The following ZNF816 variants were observed in gnomAD, a reference collection of about 807,000 sequenced individuals.
ZNF816 encodes zinc finger protein 816, also known as zinc finger protein 816A.
ZNF816 carries 11 observed loss-of-function variants against 8.3 expected under a neutral mutation model. The observed-to-expected ratio is 1.32, with a 90% CI of 0.83 to 2.19. The LOEUF (loss-of-function observed/expected upper bound fraction) is 2.19, where lower values mean the gene tolerates loss of function less well. Among genes scored for constraint, ZNF816 ranks in the 30% most tolerant of loss-of-function variants. ZNF816 has a pLI of 0.00. For synonymous variants in ZNF816, 255 were observed against 254.5 expected (o/e 1.00, Z -0.02); for missense variants, 710 against 779.3 (o/e 0.91, Z 1.06).
chr19:52,958,455 G>A (rs1337460684), intron 1 of ZNF816, among the ~76,000 whole-genome samples: 1 of 152,072 alleles, frequency 6.6e-6, no homozygotes, highest in Non-Finnish European at 1.5e-5. Flanking sequence ...CTTCTGCAAG[G>A]GTTCAAGAAC....
At chr19:52,953,229 T>G in intron 2 of ZNF816, 1 of 189,476 alleles carries the variant, frequency 5.3e-6, no homozygotes, top group Non-Finnish European at 9.7e-6. Context: ...CCGTCTCTAC[T>G]AAAAATACAA....
rs2083569125 is a variant in ZNF816, at chr19:52,962,801, C to G, written c.-90G>C. ...CAGGTCTGTGGGGACCCCACGTCCC[C>G]TATATAGCAGCACCAGACAACTAGG... On this transcript the variant is annotated 5_prime_UTR_variant, in exon 1 of 4. Coordinates refer to ENST00000444460, the MANE Select transcript of ZNF816 (RefSeq NM_001202457.3). The G allele has an allele frequency of 6.6e-6, 1 of 152,636 alleles. No homozygotes were observed. Among genetic ancestry groups the G allele is most frequent in the Admixed American group, 6.5e-5 (1 of 15,294 alleles). The allele number at this position is 152,636 out of a possible 1,614,324, so 9.5% of individuals were successfully genotyped here. A position where few individuals can be genotyped will look rare whatever the true frequency, so the allele number is the denominator to read the frequency against.
chr19:52,952,327 G>T (rs2083466748), intron 3 of ZNF816, among the ~76,000 whole-genome samples: 1 of 151,824 alleles, frequency 6.6e-6, no homozygotes, highest in Non-Finnish European at 1.5e-5. Context: ...ATGAGATCAA[G>T]ACTCTGCACT....
chr19:52,951,173 G>T lies in ZNF816; in HGVS notation c.602C>A (p.Thr201Asn). ...CTTCCCATACTTATTAGAAATATGA[G>T]TTTTGAGCCTACAAGAAATTCTTTG... ...ESQRISCRLK[T>N]HISNKYGKNF... Residue 201 changes from threonine (T) to asparagine (N), a missense_variant, in exon 4 of 4, where the codon ACT (threonine) becomes AAT (asparagine). By Grantham distance (65) the Thr-to-Asn change is moderately conservative. Coordinates refer to ENST00000444460, the MANE Select transcript of ZNF816 (RefSeq NM_001202457.3). 6.2e-7 allele frequency: 1 copy of T among 1,613,778 alleles called. No homozygotes were observed. Among genetic ancestry groups the T allele is most frequent in the Non-Finnish European group, 8.5e-7 (1 of 1,180,012 alleles).
At chr19:52,953,237 CA>C (rs66502718) in intron 2 of ZNF816, 664 of 224,042 alleles carry the variant, frequency 3.0e-3, no homozygotes, top group South Asian at 5.6e-3. Context: ...ACTAAAAATA[CA>C]AAAAAAAAAC....
chr19:52,951,764 G>A, intron 3 of ZNF816, 180 bp from the exon 4 acceptor site: 1 of 609,848 alleles, frequency 1.6e-6, no homozygotes, highest in Non-Finnish European at 2.6e-6. Flanking sequence ...CAGTCATGGT[G>A]GTGGGTGCCT....
At chr19:52,959,486 G>A (rs1453001368) in intron 1 of ZNF816, among the ~76,000 whole-genome samples, 2 of 152,180 alleles carry the variant, frequency 1.3e-5, no homozygotes, top group Non-Finnish European at 2.9e-5. Context: ...CAGCCCACAA[G>A]GAGAGAGATG....
At chr19:52,953,380 A>T in intron 2 of ZNF816, 1 of 209,320 alleles carries the variant, frequency 4.8e-6, no homozygotes. Context: ...GCTGCAGAGT[A>T]GGACTCCATC....
chr19:52,956,057 T>C lies in ZNF816; in HGVS notation c.33A>G (p.Lys11=). The part of the protein sequence containing the change: MLREEATKKS[K]EKEPGMALPQ... Reference sequence around the variant, plus strand: ...GAAGAGCCATCCCTGGCTCCTTTTCTTTGCTCTTCTTGGTGGCTTCCTCAC... The same window carrying C: ...GAAGAGCCATCCCTGGCTCCTTTTCCTTGCTCTTCTTGGTGGCTTCCTCAC... The change falls in exon 2 of 4, where the codon AAA becomes AAG. Residue 11 remains lysine, a synonymous_variant. Transcript: ENST00000444460. 1 of 1,611,854 alleles carries C rather than the reference T, an allele frequency of 6.2e-7. No homozygotes were observed. Among genetic ancestry groups the C allele is most frequent in the Non-Finnish European group, 8.5e-7 (1 of 1,179,442 alleles).
At chr19:52,953,932 T>G (rs1008149763) in intron 2 of ZNF816, among the ~76,000 whole-genome samples, 5 of 149,456 alleles carry the variant, frequency 3.3e-5, no homozygotes, top group Admixed American at 2.0e-4. Flanking sequence ...TCCCAACTAT[T>G]CAGGAAGCTG....
At position 52,950,669 on chromosome 19, in the gene ZNF816, T is replaced by G; in HGVS notation, c.1106A>C (p.Tyr369Ser). Residue 369 changes from tyrosine (Y) to serine (S), a missense_variant, in exon 4 of 4, where the codon TAC becomes TCC. Tyr to Ser is a moderately radical substitution (Grantham distance 144). Transcript: ENST00000444460. ...GGTCTTGCCACACTCATTACACTTG[T>G]AAGGTTTCTCTCCAGTATGAATTGC... Reference protein sequence around the residue: ...HKAIHTGEKPYKCNECGKTFS... With the variant: ...HKAIHTGEKPSKCNECGKTFS... The G allele has an allele frequency of 6.2e-7, 1 of 1,614,182 alleles. No homozygotes were observed. The highest frequency in any genetic ancestry group is 8.5e-7 in the Non-Finnish European group (1 of 1,180,032).
chr19:52,960,763 G>A (rs1265901621), intron 1 of ZNF816, among the ~76,000 whole-genome samples: 1 of 152,144 alleles, frequency 6.6e-6, no homozygotes. Flanking sequence ...TGTGAAGGTA[G>A]AAGGAATCCC....
chr19:52,950,710 G>C lies in ZNF816; in HGVS notation c.1065C>G (p.Ala355=), dbSNP rs777800023. 1.2e-5 allele frequency: 19 copies of C among 1,613,918 alleles called. No homozygotes were observed. Among genetic ancestry groups the C allele is most frequent in the Admixed American group, 1.7e-5 (1 of 59,986 alleles). ...TATGAATTGCCTTATGAATTACAAG[G>C]GCTGAATTTCGACCAAAAGTCTTGC... is the stretch of plus-strand genomic sequence containing the variant. ...ECGKTFGRNS[A]LVIHKAIHTG... The change falls in exon 4 of 4, where the codon GCC becomes GCG. Residue 355 remains alanine (A), a synonymous_variant. Transcript: ENST00000444460.
rs1180560231 is a variant in ZNF816 at position 52,951,464 on chromosome 19, G to T, written c.311C>A (p.Pro104Gln). 6.2e-7 allele frequency: 1 copy of T among 1,613,728 alleles called. No individual in the cohort carries two copies. Among genetic ancestry groups the T allele is most frequent in the Non-Finnish European group, 8.5e-7 (1 of 1,179,908 alleles). Residue 104 changes from proline to glutamine, a missense_variant, in exon 4 of 4, where the codon CCA (proline) becomes CAA (glutamine). Pro to Gln is a moderately conservative substitution (Grantham distance 76). Coordinates refer to ENST00000444460, the MANE Select transcript of ZNF816 (RefSeq NM_001202457.3). ...KSHHIGDFCF[P>Q]EMKKDIHHFE... Reference sequence around the variant, plus strand: ...GTGATGAATATCTTTCTTCATTTCTGGGAAGCAAAAATCTCCAATGTGATG... The same window carrying T: ...GTGATGAATATCTTTCTTCATTTCTTGGAAGCAAAAATCTCCAATGTGATG...
chr19:52,955,960 GCTA>G (rs770085746), intron 2 of ZNF816, 64 bp downstream of exon 2: 46 of 1,555,466 alleles, frequency 3.0e-5, no homozygotes, highest in Middle Eastern at 1.8e-4. Context: ...GAGAAGATTG[GCTA>G]CTACAATACC....
chr19:52,960,711 C>A (rs146129847), intron 1 of ZNF816, among the ~76,000 whole-genome samples: 1 of 152,304 alleles, frequency 6.6e-6, no homozygotes, highest in South Asian at 2.1e-4. Context: ...TGTGCCCCCA[C>A]TGGAAAGTAC....
intron 3 of ZNF816, chr19:52,952,433 TCATGCTTTCTATCTCGTATCCTGGGC>T (rs2083467523): frequency 2.2e-6 from 1 of 445,346 alleles, no homozygotes; most frequent in African/African-American, 2.1e-5. Flanking sequence ...TCAATCAGTG[TCATGCTTTCTATCTCGTATCCTGGGC>T]CATGCTGACC....
At chr19:52,960,098 C>G (rs1045882055) in intron 1 of ZNF816, 1 of 164,098 alleles carries the variant, frequency 6.1e-6, no homozygotes, top group Non-Finnish European at 1.3e-5. Flanking sequence ...TCAGGAGTCA[C>G]TTGAACAGTT....
In ZNF816 at chr19:52,962,813, A is replaced by T. The variant is rs2122182938; in HGVS notation, c.-102T>A. The stretch of plus-strand genomic sequence containing the variant: ...GACCCCACGTCCCCTATATAGCAGC[A>T]CCAGACAACTAGGAAACGCACACGC... On this transcript the variant is annotated 5_prime_UTR_variant, in exon 1 of 4. Transcript: ENST00000444460. The T allele has an allele frequency of 6.5e-6, 1 of 152,918 alleles. No individual in the cohort carries two copies. The highest frequency in any genetic ancestry group is 1.9e-4 in the East Asian group (1 of 5,192). 9.5% of individuals were successfully genotyped at this position (152,918 alleles called of 1,614,324 possible).
Sources: allele counts gnomAD v4.1 joint callset (sites outside exome capture counted in the v4.1 genomes callset), GRCh38; gene constraint gnomAD v4.1.1; transcripts MANE v1.5; gene names NCBI Gene and HGNC (gene_info 2026-07-23, HGNC 2026-07-21).